The following GABBR1 variants were observed in gnomAD, a reference collection of about 807,000 sequenced individuals.
The protein encoded by GABBR1 is gamma-aminobutyric acid type B receptor subunit 1.
Under a neutral mutation model 117.7 loss-of-function variants are expected in GABBR1, and 35 were observed. That is an observed-to-expected ratio of 0.30 (90% CI 0.23 to 0.39). The LOEUF is 0.39. Ranked by LOEUF, GABBR1 falls within the 10% of genes least tolerant of loss-of-function variation. The probability of loss-of-function intolerance (pLI) is 1.00; values close to 1 mark genes in which losing one functional copy is unlikely to be tolerated. For missense variants in GABBR1, 709 were observed against 1,241.8 expected (o/e 0.57, Z 6.45); for synonymous variants, 442 against 486.6 (o/e 0.91, Z 1.21).
intron 11 of GABBR1, among the ~76,000 whole-genome samples, chr6:29,615,213 A>G (rs980133584): frequency 6.6e-6 from 1 of 151,100 alleles, no homozygotes; most frequent in Non-Finnish European, 1.5e-5. Flanking sequence ...AATCACTTCA[A>G]CCCAGGAGGT....
intron 6 of GABBR1, among the ~76,000 whole-genome samples, chr6:29,626,417 A>G (rs1367816946): frequency 6.6e-6 from 1 of 152,104 alleles, no homozygotes; most frequent in Non-Finnish European, 1.5e-5. Flanking sequence ...GCCACATGTC[A>G]GTGAAGATAA....
chr6:29,630,460 T>G lies in GABBR1; in HGVS notation c.473A>C (p.Gln158Pro). The stretch of plus-strand genomic sequence containing the variant: ...ATGCAGGCAGCTGTTCCCCTCACCC[T>G]GGCAGTGGGGCTTGGGGGTGCTCCA... ...GQWSTPKPHC[Q>P]VNRTPHSERR... Residue 158 changes from glutamine to proline, a missense_variant and splice_region_variant, in exon 4 of 23, where the codon CAG becomes CCG. Physicochemically the swap from Gln to Pro is moderately conservative, Grantham distance 76. Transcript: ENST00000377034. The surrounding 1 kb of genome is among the most constrained non-coding windows in gnomAD (Gnocchi z 4.9). 6.2e-7 allele frequency: 1 copy of G among 1,610,682 alleles called. No homozygotes were observed. The highest frequency in any genetic ancestry group is 1.7e-4 in the Middle Eastern group (1 of 5,986).
Position 29,604,553 on chromosome 6 carries a change from C to T in GABBR1, c.2653G>A (p.Glu885Lys). The T allele has an allele frequency of 6.2e-7, 1 of 1,613,326 alleles. No homozygotes were observed. Among genetic ancestry groups the T allele is most frequent in the Non-Finnish European group, 8.5e-7 (1 of 1,180,040 alleles). The stretch of plus-strand genomic sequence containing the variant: ...TTCTCCAACAGCCGGGACTTCTCCT[C>T]CTCGTTGTTGTTGGTCGATGACCCT... ...KTGSSTNNNE[E>K]EKSRLLEKEN... Residue 885 changes from glutamate (E) to lysine (K), a missense_variant, in exon 22 of 23, where the codon GAG (glutamate) becomes AAG (lysine). This residue lies in a region of GABBR1 where 251 missense variants were observed against 445.3 expected (regional missense o/e 0.56). Transcript: ENST00000377034. The surrounding 1 kb of genome is among the most constrained non-coding windows in gnomAD (Gnocchi z 5.3).
rs1233071645 is a variant in GABBR1, at chr6:29,609,222, A to G, written c.1859+7T>C. 1.9e-6 allele frequency: 3 copies of G among 1,612,766 alleles called. No homozygotes were observed. The highest frequency in any genetic ancestry group is 2.5e-6 in the Non-Finnish European group (3 of 1,179,852). On this transcript the variant is annotated splice_region_variant and intron_variant, in intron 15 of 22. Coordinates refer to ENST00000377034, the MANE Select transcript of GABBR1 (RefSeq NM_001470.4). This position sits in a 1 kb window ranked among gnomAD's most constrained non-coding sequence, Gnocchi z 4.3. ...CAGACAAGGAAAACGTCAGAAGAGA[A>G]ACTTACCGGACATGTGAGTTGTAGA...
chr6:29,622,249 T>C lies in GABBR1; in HGVS notation c.964-44A>G. 1 of 1,325,208 alleles carries C rather than the reference T, an allele frequency of 7.5e-7. No homozygotes were observed. Among genetic ancestry groups the C allele is most frequent in the African/African-American group, 1.4e-5 (1 of 69,388 alleles). The allele number at this position is 1,325,208 out of a possible 1,614,324, so 82.1% of individuals were successfully genotyped here. A position where few individuals can be genotyped will look rare whatever the true frequency, so the allele number is the denominator to read the frequency against. On this transcript the variant is annotated intron_variant, in intron 8 of 22. Transcript: ENST00000377034. The surrounding 1 kb of genome is among the most constrained non-coding windows in gnomAD (Gnocchi z 4.6). ...ACAAGTTGGAAAAACACGGGGTGCA[T>C]GAGGGAATAAAGACCAGAGAGGTTA...
intron 11 of GABBR1, among the ~76,000 whole-genome samples, chr6:29,615,609 TAAAAAAAAA>T: frequency 8.2e-6 from 1 of 121,420 alleles, no homozygotes; most frequent in East Asian, 2.4e-4. Context: ...ACTCTGCCTT[TAAAAAAAAA>T]AAAAAAAAAA....
At position 29,605,476 on chromosome 6, in the gene GABBR1, C is replaced by T. The variant is rs113744793; in HGVS notation, c.2439+93G>A. On this transcript the variant is annotated intron_variant, in intron 20 of 22. Coordinates refer to ENST00000377034, the MANE Select transcript of GABBR1 (RefSeq NM_001470.4). This position sits in a 1 kb window ranked among gnomAD's most constrained non-coding sequence, Gnocchi z 4.2. ...AAACTTTTTAAGACTTCTAAGCAAC[C>T]GATCCCAGATCTAGCATTGATTCTT... 441 of 1,469,294 alleles carry T rather than the reference C, an allele frequency of 3.0e-4. No individual in the cohort carries two copies. In the African/African-American group the frequency reaches 4.1e-3, roughly 14 times the overall value. The allele number at this position is 1,469,294 out of a possible 1,614,324, so 91.0% of individuals were successfully genotyped here. A position where few individuals can be genotyped will look rare whatever the true frequency, so the allele number is the denominator to read the frequency against.
Position 29,627,109 on chromosome 6 carries a change from C to T in GABBR1, c.657+377G>A, listed in dbSNP as rs1461010817. 6.6e-6 allele frequency among the ~76,000 whole-genome samples: 1 copy of T among 152,148 alleles called. No individual in the cohort carries two copies. Among genetic ancestry groups the T allele is most frequent in the Non-Finnish European group, 1.5e-5 (1 of 68,014 alleles). On this transcript the variant is annotated intron_variant, in intron 6 of 22. Transcript: ENST00000377034. This position sits in a 1 kb window ranked among gnomAD's most constrained non-coding sequence, Gnocchi z 4.4. ...TGTAAACCCCCAATCCAGCTCCCCA[C>T]CTCTGACATTCCCTCCACCCCCAAC...
At chr6:29,610,647 G>A (rs188923889) in intron 14 of GABBR1, among the ~76,000 whole-genome samples, 7 of 151,434 alleles carry the variant, frequency 4.6e-5, no homozygotes, top group African/African-American at 7.3e-5. Flanking sequence ...TCCATTTCCC[G>A]CCCTCTGCCC....
chr6:29,624,328 T>G, intron 6 of GABBR1: 1 of 231,610 alleles, frequency 4.3e-6, no homozygotes, highest in Non-Finnish European at 8.5e-6. Flanking sequence ...GACATCCCCC[T>G]TCCCTCTGTC....
intron 16 of GABBR1, 109 bp downstream of exon 16, chr6:29,608,492 G>T: frequency 8.4e-7 from 1 of 1,184,638 alleles, no homozygotes; most frequent in Non-Finnish European, 1.2e-6. Flanking sequence ...AGGGACAAGA[G>T]TCAGGGAAAG....
chr6:29,615,101 A>G (rs1049016081), intron 11 of GABBR1, among the ~76,000 whole-genome samples: 6 of 151,058 alleles, frequency 4.0e-5, no homozygotes, highest in African/African-American at 1.5e-4. Flanking sequence ...GCTGGGCAAC[A>G]TGGTGAAACC....
In GABBR1 at chr6:29,613,067, T is replaced by C. The variant is rs1386655816; in HGVS notation, c.1566+176A>G. ...AAAAAATGGAATACATCATTTTTTT[T>C]CCTCTAGTCTTTGATGGGTTCTTCT... is the stretch of plus-strand genomic sequence containing the variant. On this transcript the variant is annotated intron_variant, in intron 12 of 22. Transcript: ENST00000377034. The surrounding 1 kb of genome is among the most constrained non-coding windows in gnomAD (Gnocchi z 4.1). Among the ~76,000 whole-genome samples, 1 of 152,244 alleles carries C rather than the reference T, an allele frequency of 6.6e-6. No homozygotes were observed. Among genetic ancestry groups the C allele is most frequent in the Non-Finnish European group, 1.5e-5 (1 of 68,044 alleles).
chr6:29,629,451 C>G (rs905041065), intron 4 of GABBR1, among the ~76,000 whole-genome samples: 20 of 152,114 alleles, frequency 1.3e-4, no homozygotes, highest in African/African-American at 4.8e-4. Context: ...TAAGCAATTG[C>G]TGTTAAAATC....
Position 29,606,887 on chromosome 6 carries a change from C to A in GABBR1, c.2217+10G>T, listed in dbSNP as rs1367691074. The A allele has an allele frequency of 6.2e-7, 1 of 1,610,094 alleles. No individual in the cohort carries two copies. The highest frequency in any genetic ancestry group is 1.3e-5 in the African/African-American group (1 of 74,986). On this transcript the variant is annotated intron_variant, in intron 18 of 22. Coordinates refer to ENST00000377034, the MANE Select transcript of GABBR1 (RefSeq NM_001470.4). The surrounding 1 kb of genome is among the most constrained non-coding windows in gnomAD (Gnocchi z 4.5). ...TTCTCCTGACCATAGCACCTCCTCTCCAGTGGTACCTCAATGGTCCGGTGC... is the reference window on the plus strand; with the variant it reads ...TTCTCCTGACCATAGCACCTCCTCTACAGTGGTACCTCAATGGTCCGGTGC...
At position 29,621,685 on chromosome 6, in the gene GABBR1, G is replaced by A; in HGVS notation, c.1131+67C>T. 3 of 1,346,188 alleles carry A rather than the reference G, an allele frequency of 2.2e-6. No homozygotes were observed. The highest frequency in any genetic ancestry group is 3.2e-6 in the Non-Finnish European group (3 of 936,600). The allele number at this position is 1,346,188 out of a possible 1,614,324, so 83.4% of individuals were successfully genotyped here. ...TCAACTCAGGCACAGATGCCAAGAG[G>A]AGGCCCCACAAGAAAACCAAGGGAA... On this transcript the variant is annotated intron_variant, in intron 10 of 22. Transcript: ENST00000377034. This position sits in a 1 kb window ranked among gnomAD's most constrained non-coding sequence, Gnocchi z 5.0.
rs765811910 is a variant in GABBR1 at position 29,608,567 on chromosome 6, C to A, written c.1992+34G>T. 1.0e-5 allele frequency: 16 copies of A among 1,606,322 alleles called. No individual in the cohort carries two copies. The East Asian group carries it at 3.6e-4, about 36-fold the overall frequency. On this transcript the variant is annotated intron_variant, in intron 16 of 22. Transcript: ENST00000377034. ...GCTCCTGAGACGGGTGGGAGAGTCA[C>A]ATCCTGTAAGGAATTTGCCCACCAC... is the stretch of plus-strand genomic sequence containing the variant.
chr6:29,608,870 G>T, intron 15 of GABBR1, 137 bp from the exon 16 acceptor site: 1 of 977,688 alleles, frequency 1.0e-6, no homozygotes, highest in Non-Finnish European at 1.5e-6. Flanking sequence ...GATTGGAGAA[G>T]ACAGTGGAGC....
chr6:29,617,940 T>C (rs1262875872), intron 11 of GABBR1, among the ~76,000 whole-genome samples: 1 of 152,164 alleles, frequency 6.6e-6, no homozygotes, highest in Non-Finnish European at 1.5e-5. Flanking sequence ...TCCAATGAGG[T>C]GTTATTATCC....
Sources: gnomAD v4.1 joint callset for allele counts (sites outside exome capture counted in the v4.1 genomes callset) on GRCh38, gnomAD v4.1.1 for gene constraint, gnomAD v4.1.1 regional missense constraint, Gnocchi (gnomAD v3.1) non-coding constraint, MANE v1.5 for transcripts, NCBI Gene and HGNC (gene_info 2026-07-23, HGNC 2026-07-21) for gene names.